The following CHN2 variants were observed in gnomAD, a reference collection of about 807,000 sequenced individuals.
CHN2 encodes the protein beta-chimaerin.
In CHN2, 35 loss-of-function variants were observed where a neutral mutation model predicts 56.3. The ratio of observed to expected loss-of-function variants is 0.62; its 90% CI spans 0.47 to 0.82. The LOEUF (loss-of-function observed/expected upper bound fraction) is 0.82, where lower values mean the gene tolerates loss of function less well. Among genes scored for constraint, CHN2 ranks in the 40% least tolerant of loss-of-function variants. The pLI, the probability that CHN2 is intolerant of heterozygous loss-of-function variation, is 0.00. For missense variants in CHN2, 491 were observed against 580.5 expected (o/e 0.85, Z 1.58); for synonymous variants, 210 against 212.8 (o/e 0.99, Z 0.12).
intron 10 of CHN2, among the ~76,000 whole-genome samples, chr7:29,505,538 TAC>T (rs754553787): frequency 6.6e-6 from 1 of 152,216 alleles, no homozygotes; most frequent in Non-Finnish European, 1.5e-5. Context: ...AATCCTGAAA[TAC>T]ACCCTATTTG....
At chr7:29,321,014 A>C (rs763467665) in intron 1 of CHN2, among the ~76,000 whole-genome samples, 3 of 152,188 alleles carry the variant, frequency 2.0e-5, no homozygotes, top group Non-Finnish European at 4.4e-5. Context: ...CTTCTTTTAA[A>C]ACTTCCTTGA....
intron 6 of CHN2, among the ~76,000 whole-genome samples, chr7:29,404,024 T>C (rs1022906760): frequency 6.6e-6 from 1 of 152,186 alleles, no homozygotes; most frequent in Middle Eastern, 3.2e-3. Flanking sequence ...CCCCATCTTA[T>C]TGAAAGGCTC....
intron 2 of CHN2, among the ~76,000 whole-genome samples, chr7:29,157,420 A>G (rs1313120365): frequency 6.7e-6 from 1 of 149,054 alleles, no homozygotes; most frequent in Admixed American, 6.8e-5. Flanking sequence ...GAACTTCTCT[A>G]GAGAAATGGC....
At chr7:29,415,765 G>C (rs983740250) in intron 6 of CHN2, among the ~76,000 whole-genome samples, 5 of 152,224 alleles carry the variant, frequency 3.3e-5, no homozygotes, top group African/African-American at 1.2e-4. Flanking sequence ...GCAGGGTAGA[G>C]GATGGGCTGG....
chr7:29,282,839 C>T (rs1267509533), intron 1 of CHN2, among the ~76,000 whole-genome samples: 4 of 151,770 alleles, frequency 2.6e-5, no homozygotes, highest in South Asian at 2.1e-4. Flanking sequence ...TAGCTAATAA[C>T]GATAAATCTT....
At chr7:29,255,306 C>A (rs1403025282) in intron 1 of CHN2, among the ~76,000 whole-genome samples, 3 of 152,196 alleles carry the variant, frequency 2.0e-5, no homozygotes, top group Non-Finnish European at 4.4e-5. Context: ...GCCCAGCCAG[C>A]CCCATCCCGG....
At chr7:29,472,332 T>A (rs1333532260) in intron 6 of CHN2, among the ~76,000 whole-genome samples, 3 of 89,560 alleles carry the variant, frequency 3.3e-5, no homozygotes, top group Non-Finnish European at 8.8e-5. Context: ...AAATAGGTAG[T>A]AGGCATACCC....
chr7:29,346,333 G>GTTTGCT (rs1161052850), intron 1 of CHN2, among the ~76,000 whole-genome samples: 1 of 152,202 alleles, frequency 6.6e-6, no homozygotes, highest in Non-Finnish European at 1.5e-5. Context: ...TGCTGTTGTT[G>GTTTGCT]TTTGCTTTCA....
chr7:29,172,179 A>G (rs966516535), intron 2 of CHN2, among the ~76,000 whole-genome samples: 1 of 152,158 alleles, frequency 6.6e-6, no homozygotes, highest in Non-Finnish European at 1.5e-5. Context: ...GCAATGATTC[A>G]GTCCTTTAAT....
At chr7:29,190,312 TCTC>T (rs1248268687), upstream of CHN2, among the ~76,000 whole-genome samples, 1 of 152,122 alleles carries the variant, frequency 6.6e-6, no homozygotes, top group Non-Finnish European at 1.5e-5. Flanking sequence ...GCCCTGCTAT[TCTC>T]CTGTGAATGC....
chr7:29,373,368 T>C (rs1352955185), intron 3 of CHN2, among the ~76,000 whole-genome samples: 1 of 151,910 alleles, frequency 6.6e-6, no homozygotes, highest in Non-Finnish European at 1.5e-5. Context: ...AGACACAGGC[T>C]TTTACCATAT....
intron 6 of CHN2, among the ~76,000 whole-genome samples, chr7:29,403,798 A>C (rs1802419819): frequency 6.6e-6 from 1 of 152,224 alleles, no homozygotes; most frequent in African/African-American, 2.4e-5. Context: ...TAAAATGGTC[A>C]CATCCAGTGT....
intron 2 of CHN2, among the ~76,000 whole-genome samples, chr7:29,168,341 A>G (rs568379539): frequency 1.3e-5 from 2 of 152,236 alleles, no homozygotes; most frequent in Non-Finnish European, 2.9e-5. Flanking sequence ...CCATTACACA[A>G]TTTTTGGTTT....
Position 29,167,253 on chromosome 7 carries a change from C to T in CHN2, c.274+20293C>T, listed in dbSNP as rs149136435. ...ATATATTAATTTTAACTTTTTTAGA[C>T]CTTTGTCAAATACAATAATTCTAGG... On this transcript the variant is annotated intron_variant, in intron 2 of 6. Transcript: ENST00000439384. Among the ~76,000 whole-genome samples the T allele has an allele frequency of 3.6e-3, 547 of 152,138 alleles. 4 individuals carry two copies. The highest frequency in any genetic ancestry group is 0.012 in the African/African-American group (517 of 41,512).
intron 1 of CHN2, among the ~76,000 whole-genome samples, chr7:29,325,475 A>G (rs1158223644): frequency 2.6e-5 from 4 of 152,218 alleles, no homozygotes; most frequent in Admixed American, 2.0e-4. Flanking sequence ...CATCAGCACC[A>G]TACTATGAAA....
At chr7:29,230,896 A>G (rs145429076) in intron 1 of CHN2, among the ~76,000 whole-genome samples, 28 of 152,224 alleles carry the variant, frequency 1.8e-4, no homozygotes, top group African/African-American at 5.8e-4. Context: ...ATATTTACCT[A>G]TTATAAAGTG....
At chr7:29,396,271 G>A (rs538462168) in intron 4 of CHN2, among the ~76,000 whole-genome samples, 3 of 151,542 alleles carry the variant, frequency 2.0e-5, no homozygotes, top group African/African-American at 7.3e-5. Flanking sequence ...GGTGAGACCC[G>A]CCCCCACTCC....
At chr7:29,270,492 T>TAAAAA (rs869244337) in intron 1 of CHN2, among the ~76,000 whole-genome samples, 50 of 105,362 alleles carry the variant, frequency 4.7e-4, no homozygotes, top group African/African-American at 9.6e-4. Flanking sequence ...CCATCTCTAC[T>TAAAAA]AAAAAAAAAA....
chr7:29,427,312 CT>C (rs1318655469), intron 6 of CHN2, among the ~76,000 whole-genome samples: 1 of 152,086 alleles, frequency 6.6e-6, no homozygotes, highest in Non-Finnish European at 1.5e-5. Flanking sequence ...GTAAGACTGT[CT>C]CAAAATAAAT....
Sources: allele counts gnomAD v4.1 joint callset (sites outside exome capture counted in the v4.1 genomes callset), GRCh38; gene constraint gnomAD v4.1.1; transcripts MANE v1.5; gene names NCBI Gene and HGNC (gene_info 2026-07-23, HGNC 2026-07-21).